HHLA1: variants seen among roughly 807,000 people sequenced by gnomAD.
HHLA1 encodes the protein HERV-H LTR-associating protein 1.
In HHLA1, 72 loss-of-function variants were observed where a neutral mutation model predicts 69.9. The observed-to-expected ratio is 1.03, with a 90% CI of 0.85 to 1.25. The LOEUF (loss-of-function observed/expected upper bound fraction) is 1.25. Among genes scored for constraint, HHLA1 ranks in the 50% most tolerant of loss-of-function variants. The pLI, the probability that HHLA1 is intolerant of heterozygous loss-of-function variation, is 0.00. For synonymous variants in HHLA1, 252 were observed against 233.2 expected, an observed-to-expected ratio of 1.08 and a Z score of -0.73; for missense variants, 685 against 642.2, an observed-to-expected ratio of 1.07 and a Z score of -0.72.
rs955273840 is a variant in HHLA1, at chr8:132,072,178, G to A, written c.1316-685C>T. Among the ~76,000 whole-genome samples, 13 of 152,054 alleles carry A rather than the reference G, an allele frequency of 8.5e-5. 1 individual carries two copies. Among genetic ancestry groups the A allele is most frequent in the Admixed American group, 6.6e-5 (1 of 15,262 alleles). On this transcript the variant is annotated intron_variant, in intron 14 of 16. Transcript: ENST00000414222. ...GATTTTCAGTGTTGTTTAATTTTTA[G>A]TTTTTAGGAGGAAGGCCAAAGATAA...
At chr8:132,065,687 T>C (rs1823424968) in intron 16 of HHLA1, among the ~76,000 whole-genome samples, 199 bp downstream of exon 16, 2 of 152,220 alleles carry the variant, frequency 1.3e-5, no homozygotes. Context: ...TGCTGTGTTT[T>C]TCCCTTGACC....
At chr8:132,096,201 CCT>C (rs1824024496) in intron 5 of HHLA1, among the ~76,000 whole-genome samples, 1 of 152,188 alleles carries the variant, frequency 6.6e-6, no homozygotes, top group African/African-American at 2.4e-5. Context: ...TCTGTTCTTG[CCT>C]CTCTCAGCTC....
Position 132,063,306 on chromosome 8 carries a change from A to C in HHLA1, c.*689T>G, listed in dbSNP as rs943705917. The C allele has an allele frequency of 2.0e-5, 3 of 152,180 alleles. No individual in the cohort carries two copies. Among genetic ancestry groups the C allele is most frequent in the Non-Finnish European group, 4.4e-5 (3 of 68,036 alleles). The allele number at this position is 152,180 out of a possible 1,614,324, so 9.4% of individuals were successfully genotyped here. ...TACCTCTGAGTTCTACTCATGAATCATTGAACCTGAGGGTGCTCATGGGGA... is the reference window on the plus strand; with the variant it reads ...TACCTCTGAGTTCTACTCATGAATCCTTGAACCTGAGGGTGCTCATGGGGA... On this transcript the variant is annotated 3_prime_UTR_variant, in exon 17 of 17. Transcript: ENST00000414222.
chr8:132,071,644 C>A (rs1364741675), intron 14 of HHLA1, among the ~76,000 whole-genome samples, 151 bp from the exon 15 acceptor site: 2 of 152,184 alleles, frequency 1.3e-5, no homozygotes, highest in African/African-American at 4.8e-5. Flanking sequence ...CACCATTACC[C>A]AATAAAGCTA....
At chr8:132,098,486 A>C (rs1465744133) in intron 5 of HHLA1, among the ~76,000 whole-genome samples, 3 of 151,974 alleles carry the variant, frequency 2.0e-5, no homozygotes, top group Admixed American at 6.6e-5. Context: ...TTTTGAGGCA[A>C]AGTCTCACTC....
intron 7 of HHLA1, among the ~76,000 whole-genome samples, chr8:132,092,441 C>T: frequency 6.6e-6 from 1 of 152,140 alleles, no homozygotes; most frequent in African/African-American, 2.4e-5. Context: ...ATCCACAATG[C>T]TGGAGGTGAG....
chr8:132,066,006 C>T, intron 15 of HHLA1, 38 bp from the exon 16 acceptor site: 2 of 914,880 alleles, frequency 2.2e-6, no homozygotes, highest in East Asian at 6.1e-5. Flanking sequence ...AATAACTATC[C>T]TGTGATGGCT....
intron 6 of HHLA1, 46 bp downstream of exon 6, chr8:132,095,657 A>T: frequency 6.5e-7 from 1 of 1,531,450 alleles, no homozygotes; most frequent in African/African-American, 1.4e-5. Context: ...GCCCTGCAAC[A>T]CATCCCTACC....
At position 132,061,587 on chromosome 8, in the gene HHLA1, A is replaced by T. The variant is rs1823352812; in HGVS notation, c.*2408T>A. 6.6e-6 allele frequency: 1 copy of T among 152,290 alleles called. No individual in the cohort carries two copies. Among genetic ancestry groups the T allele is most frequent in the African/African-American group, 2.4e-5 (1 of 41,456 alleles). 9.4% of individuals were successfully genotyped at this position (152,290 alleles called of 1,614,324 possible). ...TCCCATCTCTTTCACCTCATCTGCT[A>T]ACCACTGGTGGCCACATACATACAC... On this transcript the variant is annotated 3_prime_UTR_variant, in exon 17 of 17. Transcript: ENST00000414222.
chr8:132,100,755 C>T (rs1824099064), intron 3 of HHLA1, among the ~76,000 whole-genome samples: 3 of 152,282 alleles, frequency 2.0e-5, no homozygotes, highest in South Asian at 2.1e-4. Flanking sequence ...ACTCACATGT[C>T]GTGACAAGAG....
chr8:132,109,656 G>A (rs554401860), intron 1 of HHLA1, among the ~76,000 whole-genome samples: 3 of 152,184 alleles, frequency 2.0e-5, no homozygotes, highest in Admixed American at 6.5e-5. Context: ...GGGTTCTGAC[G>A]TGCAGCCCCC....
Position 132,062,226 on chromosome 8 carries a change from A to G in HHLA1, c.*1769T>C, listed in dbSNP as rs545091731. The G allele has an allele frequency of 6.6e-6, 1 of 152,360 alleles. No individual in the cohort carries two copies. Among genetic ancestry groups the G allele is most frequent in the South Asian group, 2.1e-4 (1 of 4,830 alleles). The allele number at this position is 152,360 out of a possible 1,614,324, so 9.4% of individuals were successfully genotyped here. ...TATCCTCTTCATCTTTGCAAAAGTC[A>G]TGATAATATACATTTATGAGCTTGA... is the stretch of plus-strand genomic sequence containing the variant. On this transcript the variant is annotated 3_prime_UTR_variant, in exon 17 of 17. Transcript: ENST00000414222.
Position 132,095,773 on chromosome 8 carries a change from G to A in HHLA1, c.294C>T (p.Phe98=), listed in dbSNP as rs1486816777. ...AGGAAGTGACACTCAGCAAGGAGAA[G>A]AACTTCTTGCTATCTGCCAAAACAT... ...LSRALKDSKK[F]FSLLSVTSYS... Residue 98 remains phenylalanine (F), a synonymous_variant, in exon 6 of 17, where the codon TTC becomes TTT. Transcript: ENST00000414222. 6 of 1,549,944 alleles carry A rather than the reference G, an allele frequency of 3.9e-6. No homozygotes were observed. The highest frequency in any genetic ancestry group is 5.2e-6 in the Non-Finnish European group (6 of 1,146,004).
At chr8:132,090,635 G>A (rs780503629) in intron 7 of HHLA1, among the ~76,000 whole-genome samples, 19 of 152,094 alleles carry the variant, frequency 1.2e-4, no homozygotes, top group Non-Finnish European at 1.8e-4. Context: ...TACTATATCC[G>A]CACAGGCACA....
intron 10 of HHLA1, among the ~76,000 whole-genome samples, chr8:132,085,988 C>T (rs576483512): frequency 8.5e-5 from 13 of 152,120 alleles, no homozygotes; most frequent in African/African-American, 3.1e-4. Flanking sequence ...TTGGCTTGGG[C>T]TCAGAGGCCT....
intron 15 of HHLA1, 101 bp downstream of exon 15, chr8:132,071,239 G>T: frequency 2.0e-6 from 2 of 1,022,098 alleles, no homozygotes; most frequent in South Asian, 1.6e-5. Context: ...CCTGTCTGTG[G>T]ATTGCTTATT....
In HHLA1 at chr8:132,111,123, T is replaced by C. The variant is rs1343384261; in HGVS notation, c.-43A>G. 1 of 151,570 alleles carries C rather than the reference T, an allele frequency of 6.6e-6. No homozygotes were observed. The highest frequency in any genetic ancestry group is 1.5e-5 in the Non-Finnish European group (1 of 68,014). 9.4% of individuals were successfully genotyped at this position (151,570 alleles called of 1,614,324 possible). Reference sequence around the variant, plus strand: ...TTACCTATCTTCTGAGCAGGATAAATTGACTTCAAAGAACTTAAACAGCTA... The same window carrying C: ...TTACCTATCTTCTGAGCAGGATAAACTGACTTCAAAGAACTTAAACAGCTA... On this transcript the variant is annotated 5_prime_UTR_variant, in exon 1 of 17. Coordinates refer to ENST00000414222, the MANE Select transcript of HHLA1 (RefSeq NM_001145095.3).
At chr8:132,083,018 A>G (rs1056368529) in intron 10 of HHLA1, among the ~76,000 whole-genome samples, 70 of 151,324 alleles carry the variant, frequency 4.6e-4, no homozygotes, top group African/African-American at 1.6e-3. Flanking sequence ...GGTTTTAATG[A>G]GATGGTAAGG....
At chr8:132,098,857 G>C (rs1304556117) in intron 5 of HHLA1, 25 bp downstream of exon 5, 1 of 1,481,366 alleles carries the variant, frequency 6.8e-7, no homozygotes, top group African/African-American at 1.4e-5. Context: ...AATGGACCTG[G>C]ATTGTGCTTT....
Sources: allele counts gnomAD v4.1 joint callset (sites outside exome capture counted in the v4.1 genomes callset), GRCh38; gene constraint gnomAD v4.1.1; transcripts MANE v1.5; gene names NCBI Gene and HGNC (gene_info 2026-07-23, HGNC 2026-07-21).